THSD7A: variants seen among roughly 807,000 people sequenced by gnomAD.
THSD7A encodes the protein thrombospondin type 1 domain containing 7A.
THSD7A carries 96 observed loss-of-function variants against 231.3 expected under a neutral mutation model. That is an observed-to-expected ratio of 0.41 (90% CI 0.35 to 0.49). The LOEUF (loss-of-function observed/expected upper bound fraction) is 0.49, where lower values mean the gene tolerates loss of function less well. THSD7A is among the 20% of genes least tolerant of loss of function. The pLI is 0.05. For synonymous variants in THSD7A, 940 were observed against 743.3 expected (o/e 1.26, Z -4.30); for missense variants, 2,290 against 2,070.2 (o/e 1.11, Z -2.06).
chr7:11,590,600 T>A lies in THSD7A; in HGVS notation c.1313A>T (p.Asp438Val). ...CTTGTCCTGCTGACTGAGCAAAGGG[T>A]CCACACGGCACTCAGTCCACTCTGT... ...RTTEWTECRV[D>V]PLLSQQDKRR... The change falls in exon 4 of 28, where the codon GAC becomes GTC. Residue 438 changes from aspartate (D) to valine (V), a missense_variant. By Grantham distance (152) the Asp-to-Val change is radical. Coordinates refer to ENST00000423059, the MANE Select transcript of THSD7A (RefSeq NM_015204.3). This position sits in a 1 kb window ranked among gnomAD's most constrained non-coding sequence, Gnocchi z 4.4. 6.2e-7 allele frequency: 1 copy of A among 1,613,270 alleles called. No individual in the cohort carries two copies. The highest frequency in any genetic ancestry group is 1.1e-5 in the South Asian group (1 of 90,982).
intron 1 of THSD7A, among the ~76,000 whole-genome samples, chr7:11,826,873 C>T (rs1281847706): frequency 6.6e-6 from 1 of 150,786 alleles, no homozygotes; most frequent in Admixed American, 6.6e-5. Context: ...ATTAGTTATT[C>T]ATCTTTCAGT....
intron 2 of THSD7A, among the ~76,000 whole-genome samples, chr7:11,620,669 T>A (rs1308856222): frequency 1.3e-5 from 2 of 152,150 alleles, no homozygotes; most frequent in Non-Finnish European, 2.9e-5. Flanking sequence ...AAAGACACTT[T>A]CAAGTAGTTC....
intron 4 of THSD7A, among the ~76,000 whole-genome samples, chr7:11,544,834 C>T (rs1162611290): frequency 2.8e-5 from 4 of 145,098 alleles, no homozygotes; most frequent in South Asian, 2.3e-4. Flanking sequence ...CTCCCACACT[C>T]GCCACTACAG....
At chr7:11,745,131 C>T (rs113589045) in intron 1 of THSD7A, among the ~76,000 whole-genome samples, 4,057 of 152,104 alleles carry the variant, frequency 0.027, 196 homozygotes, top group African/African-American at 0.093. Flanking sequence ...TAATAATCGC[C>T]ACTCTAACTG....
chr7:11,658,863 A>G (rs866672481), intron 1 of THSD7A, among the ~76,000 whole-genome samples: 1 of 151,716 alleles, frequency 6.6e-6, no homozygotes, highest in Non-Finnish European at 1.5e-5. Flanking sequence ...AAATGAGCAC[A>G]TGTAAGATGT....
intron 1 of THSD7A, among the ~76,000 whole-genome samples, chr7:11,644,436 C>A (rs114392995): frequency 0.023 from 3,430 of 151,916 alleles, 121 homozygotes; most frequent in African/African-American, 0.078. Context: ...ATTTAAATTT[C>A]TTTCAAAGGA....
chr7:11,546,029 A>G (rs1023502635), intron 4 of THSD7A, among the ~76,000 whole-genome samples: 3 of 152,054 alleles, frequency 2.0e-5, no homozygotes, highest in African/African-American at 7.2e-5. Context: ...CAGATGCCCA[A>G]TGAGGGTGCT....
Position 11,824,113 on chromosome 7 carries a change from T to G in THSD7A, c.190+7644A>C, listed in dbSNP as rs1205167034. On this transcript the variant is annotated intron_variant, in intron 1 of 27. Coordinates refer to ENST00000423059, the MANE Select transcript of THSD7A (RefSeq NM_015204.3). ...CTGATGAAAAAAATTAGAAAAGATA[T>G]CTACCTTATGACTCACTGGCACCTC... 2.0e-5 allele frequency among the ~76,000 whole-genome samples: 3 copies of G among 152,074 alleles called. No individual in the cohort carries two copies. In the South Asian group the frequency reaches 6.2e-4, roughly 31 times the overall value.
chr7:11,576,629 C>A (rs190024346), intron 4 of THSD7A, among the ~76,000 whole-genome samples: 1 of 152,182 alleles, frequency 6.6e-6, no homozygotes, highest in East Asian at 1.9e-4. Context: ...ATGAAATTGC[C>A]ACTAATTGAC....
chr7:11,647,120 T>C (rs73292650), intron 1 of THSD7A, among the ~76,000 whole-genome samples: 16 of 152,216 alleles, frequency 1.1e-4, no homozygotes, highest in African/African-American at 3.4e-4. Flanking sequence ...GTTCCTGATA[T>C]AATTTATCCC....
chr7:11,520,044 CTTA>C lies in THSD7A; in HGVS notation c.1822+21372_1822+21374del, dbSNP rs1583896032. 4 of 152,106 alleles carry C rather than the reference CTTA, an allele frequency of 2.6e-5. No homozygotes were observed. In the East Asian group the frequency reaches 7.7e-4, roughly 29 times the overall value. 9.4% of individuals were successfully genotyped at this position (152,106 alleles called of 1,614,324 possible). ...TAGAACCTTGTCTTCCTTCTCTCAA[CTTA>C]TTAGAACCCTTTGTATCCTGAGAAA... On this transcript the variant is annotated intron_variant, in intron 6 of 27. Transcript: ENST00000423059.
At chr7:11,611,151 T>A (rs962223865) in intron 2 of THSD7A, among the ~76,000 whole-genome samples, 1 of 152,098 alleles carries the variant, frequency 6.6e-6, no homozygotes. Context: ...AAATTTTTTT[T>A]AAGTTAAAAT....
chr7:11,593,136 T>G, intron 3 of THSD7A, 118 bp downstream of exon 3: 1 of 1,377,716 alleles, frequency 7.3e-7, no homozygotes, highest in Non-Finnish European at 9.7e-7. Flanking sequence ...AGGATACTGT[T>G]TGTAAAGATA....
At chr7:11,822,256 G>A (rs1294691122) in intron 1 of THSD7A, among the ~76,000 whole-genome samples, 5 of 151,934 alleles carry the variant, frequency 3.3e-5, no homozygotes, top group Non-Finnish European at 5.9e-5. Flanking sequence ...ACATCTATGT[G>A]TACAAATTTT....
intron 4 of THSD7A, among the ~76,000 whole-genome samples, chr7:11,552,069 G>C (rs1325546679): frequency 6.6e-6 from 1 of 152,092 alleles, no homozygotes; most frequent in Admixed American, 6.6e-5. Context: ...TGCAGGAACA[G>C]AAAACCAAAT....
At chr7:11,470,544 GATA>G (rs2128301126) in intron 8 of THSD7A, among the ~76,000 whole-genome samples, 1 of 151,744 alleles carries the variant, frequency 6.6e-6, no homozygotes, top group South Asian at 2.1e-4. Flanking sequence ...TAATAATTAA[GATA>G]ATAAAACTGT....
At chr7:11,658,563 T>A (rs781504273) in intron 1 of THSD7A, among the ~76,000 whole-genome samples, 1 of 151,678 alleles carries the variant, frequency 6.6e-6, no homozygotes, top group Non-Finnish European at 1.5e-5. Flanking sequence ...AGCATCCTGT[T>A]TTCTCCATGT....
intron 2 of THSD7A, among the ~76,000 whole-genome samples, chr7:11,601,776 A>G (rs768670956): frequency 6.6e-6 from 1 of 152,198 alleles, no homozygotes; most frequent in Non-Finnish European, 1.5e-5. Flanking sequence ...GTAGAACCCA[A>G]AATGTAAAAC....
rs1016461436 is a variant in THSD7A, at chr7:11,831,533, G to C, written c.190+224C>G. 3.3e-5 allele frequency among the ~76,000 whole-genome samples: 5 copies of C among 152,204 alleles called. No homozygotes were observed. Among genetic ancestry groups the C allele is most frequent in the Non-Finnish European group, 7.3e-5 (5 of 68,048 alleles). On this transcript the variant is annotated intron_variant, in intron 1 of 27. Transcript: ENST00000423059. The surrounding 1 kb of genome is among the most constrained non-coding windows in gnomAD (Gnocchi z 5.0). Reference sequence around the variant, plus strand: ...CGTTGCCCTCATTACAGAGCTGCGAGAGAAATATTCCAGCTACTCACTGTT... The same window carrying C: ...CGTTGCCCTCATTACAGAGCTGCGACAGAAATATTCCAGCTACTCACTGTT...
Sources: allele counts gnomAD v4.1 joint callset (sites outside exome capture counted in the v4.1 genomes callset), GRCh38; gene constraint gnomAD v4.1.1; non-coding constraint Gnocchi (gnomAD v3.1); transcripts MANE v1.5; gene names NCBI Gene and HGNC (gene_info 2026-07-23, HGNC 2026-07-21).